Variants in L3MBTL4 observed in about 807,000 individuals in gnomAD.
L3MBTL4 encodes the protein L3MBTL histone methyl-lysine binding protein 4, also known as lethal(3)malignant brain tumor-like protein 4.
In L3MBTL4, 70 loss-of-function variants were observed where a neutral mutation model predicts 84.5. The ratio of observed to expected loss-of-function variants is 0.83; its 90% CI spans 0.68 to 1.01. L3MBTL4 has a LOEUF of 1.01. Ranked by LOEUF, L3MBTL4 falls within the 50% of genes least tolerant of loss-of-function variation. L3MBTL4 has a pLI of 0.00. For synonymous variants in L3MBTL4, 274 were observed against 259.8 expected, an observed-to-expected ratio of 1.05 and a Z score of -0.52; for missense variants, 715 against 754.8, an observed-to-expected ratio of 0.95 and a Z score of 0.62.
At chr18:6,092,859 T>C (rs1416133482) in intron 15 of L3MBTL4, among the ~76,000 whole-genome samples, 1 of 152,196 alleles carries the variant, frequency 6.6e-6, no homozygotes, top group South Asian at 2.1e-4. Context: ...AGAGGGAAGA[T>C]GTGTTGTCAA....
At chr18:6,000,235 G>C (rs1366636923) in intron 16 of L3MBTL4, among the ~76,000 whole-genome samples, 1 of 152,136 alleles carries the variant, frequency 6.6e-6, no homozygotes, top group Non-Finnish European at 1.5e-5. Context: ...AGATGAAAGA[G>C]TGATCAGACA....
At chr18:6,026,563 C>T (rs953876154) in intron 16 of L3MBTL4, among the ~76,000 whole-genome samples, 27 of 152,156 alleles carry the variant, frequency 1.8e-4, no homozygotes, top group African/African-American at 6.5e-4. Flanking sequence ...TAATCCCAGC[C>T]ACTCCCTCAA....
intron 16 of L3MBTL4, among the ~76,000 whole-genome samples, chr18:6,067,307 GGAGTTCCTTGAGT>G (rs1221345206): frequency 6.6e-6 from 1 of 152,102 alleles, no homozygotes; most frequent in Non-Finnish European, 1.5e-5. Context: ...GAATTTCCCA[GGAGTTCCTTGAGT>G]TTTCTGTATT....
At chr18:6,116,575 G>A (rs1387253675) in intron 14 of L3MBTL4, among the ~76,000 whole-genome samples, 1 of 151,932 alleles carries the variant, frequency 6.6e-6, no homozygotes, top group Non-Finnish European at 1.5e-5. Context: ...TGTTGGTCAG[G>A]CTGGTCTCAA....
At chr18:6,268,847 C>T (rs2048745861) in intron 4 of L3MBTL4, among the ~76,000 whole-genome samples, 1 of 152,040 alleles carries the variant, frequency 6.6e-6, no homozygotes. Flanking sequence ...TGTGTGTGAG[C>T]ACATATGTGT....
intron 4 of L3MBTL4, among the ~76,000 whole-genome samples, chr18:6,265,833 G>A (rs1041254998): frequency 2.0e-5 from 3 of 152,150 alleles, no homozygotes; most frequent in Admixed American, 2.0e-4. Flanking sequence ...TCGGGAATGG[G>A]GAGATGTTGC....
intron 10 of L3MBTL4, among the ~76,000 whole-genome samples, chr18:6,219,857 G>T (rs1346023206): frequency 6.6e-6 from 1 of 151,960 alleles, no homozygotes; most frequent in Non-Finnish European, 1.5e-5. Flanking sequence ...TTTACAGGCT[G>T]CAGGGAAGTG....
chr18:6,111,827 A>T (rs1254684374), intron 14 of L3MBTL4, among the ~76,000 whole-genome samples: 1 of 152,140 alleles, frequency 6.6e-6, no homozygotes, highest in East Asian at 1.9e-4. Context: ...ATTACCTCTC[A>T]TACTTATTTT....
chr18:6,404,834 T>C (rs1239390704), intron 1 of L3MBTL4, among the ~76,000 whole-genome samples: 3 of 151,802 alleles, frequency 2.0e-5, no homozygotes, highest in African/African-American at 4.8e-5. Context: ...CACAGGTACA[T>C]GCCATCGTGC....
At chr18:6,399,064 T>G (rs773122948) in intron 1 of L3MBTL4, among the ~76,000 whole-genome samples, 1 of 152,244 alleles carries the variant, frequency 6.6e-6, no homozygotes, top group Non-Finnish European at 1.5e-5. Context: ...GTACTTTTCC[T>G]ATTTATTTTT....
Position 6,030,611 on chromosome 18 carries a change from G to A in L3MBTL4, c.1444+50270C>T, listed in dbSNP as rs147711471. 591 of 776,494 alleles carry A rather than the reference G, an allele frequency of 7.6e-4. 15 individuals carry two copies. The East Asian group carries it at 0.056, about 73-fold the overall frequency. 48.1% of individuals were successfully genotyped at this position (776,494 alleles called of 1,614,324 possible). A position where few individuals can be genotyped will look rare whatever the true frequency, so the allele number is the denominator to read the frequency against. ...CCTCCCAGGTTCAAGCGATTCTCTC[G>A]CCTCAGCTTCCTGAGTAGCTGGGAT... On this transcript the variant is annotated intron_variant, in intron 16 of 18. Transcript: ENST00000317931.
intron 16 of L3MBTL4, among the ~76,000 whole-genome samples, chr18:5,994,964 TC>T (rs1383253280): frequency 6.6e-6 from 1 of 152,256 alleles, no homozygotes; most frequent in Non-Finnish European, 1.5e-5. Flanking sequence ...GAGATAAGCC[TC>T]CCTTTTGTTC....
chr18:6,341,921 C>T (rs2052626416), intron 1 of L3MBTL4, among the ~76,000 whole-genome samples: 1 of 151,790 alleles, frequency 6.6e-6, no homozygotes, highest in South Asian at 2.1e-4. Flanking sequence ...ATAAGGGAAA[C>T]ACCATAAGAC....
rs2145576101 is a variant in L3MBTL4 at position 6,028,417 on chromosome 18, C to T, written c.1444+52464G>A. On this transcript the variant is annotated intron_variant, in intron 16 of 18. Coordinates refer to ENST00000317931, the MANE Select transcript of L3MBTL4 (RefSeq NM_001330559.2). ...CTTATATCTGTTTTGGTAACAGTAC[C>T]ATGCTGTTTCAGTTACTGTAGCCTT... 5.3e-5 allele frequency among the ~76,000 whole-genome samples: 8 copies of T among 152,254 alleles called. No homozygotes were observed. The Middle Eastern group carries it at 0.017, about 324-fold the overall frequency.
At chr18:6,232,067 T>C (rs1381590686) in intron 10 of L3MBTL4, among the ~76,000 whole-genome samples, 1 of 152,106 alleles carries the variant, frequency 6.6e-6, no homozygotes, top group Non-Finnish European at 1.5e-5. Flanking sequence ...CCCTTCTGTC[T>C]CTACCTTGTT....
chr18:5,965,701 C>CATCAGAGACT (rs1448015985), intron 17 of L3MBTL4, among the ~76,000 whole-genome samples: 5 of 152,276 alleles, frequency 3.3e-5, no homozygotes, highest in African/African-American at 1.2e-4. Flanking sequence ...ATTTTCAACC[C>CATCAGAGACT]ATCAGAGACT....
chr18:6,013,375 C>G (rs1438001914), intron 16 of L3MBTL4, among the ~76,000 whole-genome samples: 1 of 152,242 alleles, frequency 6.6e-6, no homozygotes, highest in Admixed American at 6.5e-5. Flanking sequence ...TTGGCTGGAA[C>G]ACAGTCTTTG....
chr18:6,351,556 TTA>T (rs1278878125), intron 1 of L3MBTL4, among the ~76,000 whole-genome samples: 33 of 147,804 alleles, frequency 2.2e-4, no homozygotes, highest in African/African-American at 7.8e-4. Context: ...TGTGGATTTT[TTA>T]TTTTTTTTTT....
At chr18:6,178,399 A>C (rs565440654) in intron 12 of L3MBTL4, among the ~76,000 whole-genome samples, 3 of 152,290 alleles carry the variant, frequency 2.0e-5, no homozygotes, top group Admixed American at 2.0e-4. Context: ...GGATCTGTGG[A>C]ATAAAAATCC....
Sources: gnomAD v4.1 joint callset for allele counts (sites outside exome capture counted in the v4.1 genomes callset) on GRCh38, gnomAD v4.1.1 for gene constraint, MANE v1.5 for transcripts, NCBI Gene and HGNC (gene_info 2026-07-23, HGNC 2026-07-21) for gene names.